The following PCDHAC2 variants were observed in gnomAD, a reference collection of about 807,000 sequenced individuals.
PCDHAC2 encodes protocadherin alpha-C2.
In PCDHAC2, 24 loss-of-function variants were observed where a neutral mutation model predicts 63.3. The ratio of observed to expected loss-of-function variants is 0.38; its 90% CI spans 0.27 to 0.53. The LOEUF is 0.53. Ranked by LOEUF, PCDHAC2 falls within the 20% of genes least tolerant of loss-of-function variation. The probability of loss-of-function intolerance (pLI) is 0.81; values close to 1 mark genes in which losing one functional copy is unlikely to be tolerated. For missense variants in PCDHAC2, 1,181 were observed against 1,275.2 expected (o/e 0.93, Z 1.12); for synonymous variants, 569 against 529.4 (o/e 1.07, Z -1.03).
intron 1 of PCDHAC2, among the ~76,000 whole-genome samples, chr5:140,975,450 G>T (rs1175028711): frequency 6.6e-6 from 1 of 152,174 alleles, no homozygotes. Context: ...AGGGATCTTG[G>T]GGCCATCTTG....
chr5:141,002,023 G>GC (rs1479327416), intron 3 of PCDHAC2, among the ~76,000 whole-genome samples: 4 of 152,186 alleles, frequency 2.6e-5, no homozygotes, highest in Admixed American at 6.5e-5. Flanking sequence ...ACAGCCTTCG[G>GC]TGCCCTGACT....
chr5:140,979,303 C>T (rs1048294748), intron 2 of PCDHAC2, among the ~76,000 whole-genome samples: 5 of 152,148 alleles, frequency 3.3e-5, no homozygotes, highest in East Asian at 3.8e-4. Context: ...CTCCTTCATC[C>T]CTCTCTACCT....
Position 141,011,440 on chromosome 5 carries a change from T to G in PCDHAC2, c.*1503T>G, listed in dbSNP as rs2098420601. 1 of 153,808 alleles carries G rather than the reference T, an allele frequency of 6.5e-6. No individual in the cohort carries two copies. Among genetic ancestry groups the G allele is most frequent in the Admixed American group, 6.5e-5 (1 of 15,282 alleles). 9.5% of individuals were successfully genotyped at this position (153,808 alleles called of 1,614,324 possible). A position where few individuals can be genotyped will look rare whatever the true frequency, so the allele number is the denominator to read the frequency against. Reference sequence around the variant, plus strand: ...ATGTTAATGCAACTATTACCTAGAGTGAACTTTAAGCTTTATTGTTGAATG... The same window carrying G: ...ATGTTAATGCAACTATTACCTAGAGGGAACTTTAAGCTTTATTGTTGAATG... On this transcript the variant is annotated 3_prime_UTR_variant, in exon 4 of 4. Transcript: ENST00000289269.
intron 3 of PCDHAC2, 32 bp from the exon 4 acceptor site, chr5:141,009,595 C>A (rs781807814): frequency 6.2e-7 from 1 of 1,604,124 alleles, no homozygotes; most frequent in African/African-American, 1.3e-5. Context: ...TGTGTTGACC[C>A]TGTTAATGAT....
At chr5:140,989,527 G>A (rs1172019994) in intron 3 of PCDHAC2, among the ~76,000 whole-genome samples, 1 of 152,192 alleles carries the variant, frequency 6.6e-6, no homozygotes, top group Non-Finnish European at 1.5e-5. Flanking sequence ...GGGCAGAGGA[G>A]GAAGATAGTT....
chr5:141,007,755 CTT>C (rs2098344346), intron 3 of PCDHAC2, among the ~76,000 whole-genome samples: 1 of 152,170 alleles, frequency 6.6e-6, no homozygotes, highest in Non-Finnish European at 1.5e-5. Context: ...ACTTTGGACT[CTT>C]ATTGGCCTGG....
At chr5:141,006,353 A>G (rs2098269096) in intron 3 of PCDHAC2, among the ~76,000 whole-genome samples, 1 of 151,784 alleles carries the variant, frequency 6.6e-6, no homozygotes, top group Admixed American at 6.6e-5. Flanking sequence ...CTGGGACTAT[A>G]GGCGCCCACC....
intron 2 of PCDHAC2, 86 bp from the exon 3 acceptor site, chr5:140,982,389 T>C: frequency 1.3e-6 from 2 of 1,593,476 alleles, no homozygotes; most frequent in South Asian, 1.1e-5. Context: ...CCTGGCTTCA[T>C]AGTTGTAAGC....
rs782362205 is a variant in PCDHAC2 at position 141,009,960 on chromosome 5, A to G, written c.*23A>G. The G allele has an allele frequency of 6.3e-7, 1 of 1,589,232 alleles. No homozygotes were observed. The highest frequency in any genetic ancestry group is 2.2e-5 in the East Asian group (1 of 44,694). On this transcript the variant is annotated 3_prime_UTR_variant, in exon 4 of 4. Transcript: ENST00000289269. The stretch of plus-strand genomic sequence containing the variant: ...TGAGGTCCTCAAATGGAAACAAGCC[A>G]CTTAGCCAGTTTTTGTAATAATGGC...
chr5:140,966,726 C>T lies in PCDHAC2; in HGVS notation c.-41C>T. ...TGGGGCACGGCTGGGGAAGCTGCCG[C>T]CTCCGGCCCTGCCCGGCTGCCTCCG... On this transcript the variant is annotated 5_prime_UTR_variant, in exon 1 of 4. Coordinates refer to ENST00000289269, the MANE Select transcript of PCDHAC2 (RefSeq NM_018899.6). 2.1e-6 allele frequency: 3 copies of T among 1,402,206 alleles called. No individual in the cohort carries two copies. The highest frequency in any genetic ancestry group is 1.8e-6 in the Non-Finnish European group (2 of 1,085,522). 86.9% of individuals were successfully genotyped at this position (1,402,206 alleles called of 1,614,324 possible). A position where few individuals can be genotyped will look rare whatever the true frequency, so the allele number is the denominator to read the frequency against.
At chr5:140,990,772 C>T (rs1554251728) in intron 3 of PCDHAC2, among the ~76,000 whole-genome samples, 1 of 152,164 alleles carries the variant, frequency 6.6e-6, no homozygotes, top group African/African-American at 2.4e-5. Context: ...AAATTTGGCT[C>T]TGTGTTGGAC....
chr5:141,006,126 G>T (rs1554260581), intron 3 of PCDHAC2, among the ~76,000 whole-genome samples: 1 of 151,330 alleles, frequency 6.6e-6, no homozygotes. Flanking sequence ...TTTTCTCAAG[G>T]CAGTAGAAAG....
In PCDHAC2 at chr5:140,966,609, G is replaced by A; in HGVS notation, c.-158G>A. 1 of 702,876 alleles carries A rather than the reference G, an allele frequency of 1.4e-6. No homozygotes were observed. Among genetic ancestry groups the A allele is most frequent in the Non-Finnish European group, 2.1e-6 (1 of 471,488 alleles). The allele number at this position is 702,876 out of a possible 1,614,324, so 43.5% of individuals were successfully genotyped here. ...GGTGGGGCCAGGAGCCCTTGGGAGG[G>A]CCTACGGAGGGAGCGGCCCCAGGCG... On this transcript the variant is annotated 5_prime_UTR_variant, in exon 1 of 4. Coordinates refer to ENST00000289269, the MANE Select transcript of PCDHAC2 (RefSeq NM_018899.6).
In PCDHAC2 at chr5:140,972,962, A is replaced by G. The variant is rs550755148; in HGVS notation, c.2565+3631A>G. Among the ~76,000 whole-genome samples the G allele has an allele frequency of 1.5e-3, 231 of 152,144 alleles. 1 individual carries two copies. The highest frequency in any genetic ancestry group is 2.9e-3 in the Non-Finnish European group (194 of 67,976). ...CAGATGTGAGCCACCATGCCCGGCA[A>G]AGGAAACCAAATCTTAAGGTAGATT... On this transcript the variant is annotated intron_variant, in intron 1 of 3. Transcript: ENST00000289269.
rs1477712677 is a variant in PCDHAC2 at position 140,966,540 on chromosome 5, C to G, written c.-227C>G. The G allele has an allele frequency of 4.3e-6, 2 of 462,788 alleles. No individual in the cohort carries two copies. The highest frequency in any genetic ancestry group is 2.0e-5 in the African/African-American group (1 of 49,018). 28.7% of individuals were successfully genotyped at this position (462,788 alleles called of 1,614,324 possible). A position where few individuals can be genotyped will look rare whatever the true frequency, so the allele number is the denominator to read the frequency against. On this transcript the variant is annotated 5_prime_UTR_variant, in exon 1 of 4. Coordinates refer to ENST00000289269, the MANE Select transcript of PCDHAC2 (RefSeq NM_018899.6). Reference sequence around the variant, plus strand: ...GGAAGCCGAGCCGGGTTGAGCGACTCGGAGGCGAGCGGAGGAGCTGGAATA... The same window carrying G: ...GGAAGCCGAGCCGGGTTGAGCGACTGGGAGGCGAGCGGAGGAGCTGGAATA...
chr5:140,997,614 A>T (rs1355709943), intron 3 of PCDHAC2, among the ~76,000 whole-genome samples: 2 of 152,148 alleles, frequency 1.3e-5, no homozygotes, highest in African/African-American at 4.8e-5. Context: ...GCATGACTAT[A>T]TAGAGATTTT....
rs113984883 is a variant in PCDHAC2 at position 140,967,333 on chromosome 5, C to T, written c.567C>T (p.Pro189=). The change falls in exon 1 of 4, where the codon CCC becomes CCT. Residue 189 remains proline (P), a synonymous_variant. Coordinates refer to ENST00000289269, the MANE Select transcript of PCDHAC2 (RefSeq NM_018899.6). ...CAGTACAGACCTACGAGCTCAGCCC[C>T]AGCGAGCACTTCGAGCTGGACCTTA... ...ANSVQTYELS[P]SEHFELDLKP... 3 of 1,608,148 alleles carry T rather than the reference C, an allele frequency of 1.9e-6. No individual in the cohort carries two copies. The highest frequency in any genetic ancestry group is 1.7e-5 in the Admixed American group (1 of 59,650).
rs782664501 is a variant in PCDHAC2 at position 140,968,683 on chromosome 5, A to G, written c.1917A>G (p.Thr639=). ...ACCTCTTTAAGGTAGAGCTGCACACAGGAGAAATTAGGACTACCAGGAAGA... is the reference window on the plus strand; with the variant it reads ...ACCTCTTTAAGGTAGAGCTGCACACGGGAGAAATTAGGACTACCAGGAAGA... ...DLDLFKVELH[T]GEIRTTRKMG... Residue 639 remains threonine, a synonymous_variant, in exon 1 of 4, where the codon ACA becomes ACG. Transcript: ENST00000289269. 7 of 1,614,164 alleles carry G rather than the reference A, an allele frequency of 4.3e-6. No homozygotes were observed.
intron 3 of PCDHAC2, among the ~76,000 whole-genome samples, chr5:141,007,295 A>G (rs181235064): frequency 1.6e-3 from 250 of 151,912 alleles, no homozygotes; most frequent in Non-Finnish European, 2.9e-3. Context: ...TCATGCCTGT[A>G]ATCTTAGCAT....
Sources: allele counts gnomAD v4.1 joint callset (sites outside exome capture counted in the v4.1 genomes callset), GRCh38; gene constraint gnomAD v4.1.1; transcripts MANE v1.5; gene names NCBI Gene and HGNC (gene_info 2026-07-23, HGNC 2026-07-21).